The following SLC6A16 variants were observed in gnomAD, a reference collection of about 807,000 sequenced individuals.
SLC6A16 encodes orphan sodium- and chloride-dependent neurotransmitter transporter NTT5.
Under a neutral mutation model 65.4 loss-of-function variants are expected in SLC6A16, and 54 were observed. That is an observed-to-expected ratio of 0.83 (90% CI 0.66 to 1.04). The LOEUF (loss-of-function observed/expected upper bound fraction) is 1.04, where lower values mean the gene tolerates loss of function less well. SLC6A16 is among the 50% of genes least tolerant of loss of function. The pLI is 0.00. For missense variants in SLC6A16, 816 were observed against 914.0 expected (o/e 0.89, Z 1.38); for synonymous variants, 330 against 346.5 (o/e 0.95, Z 0.53).
intron 1 of SLC6A16, among the ~76,000 whole-genome samples, chr19:49,318,641 G>T (rs1970654362): frequency 6.6e-6 from 1 of 152,154 alleles, no homozygotes; most frequent in South Asian, 2.1e-4. Flanking sequence ...GCTTAATATG[G>T]TCAAGGACTT....
chr19:49,290,348 C>G lies in SLC6A16; in HGVS notation c.1986G>C (p.Leu662Phe), dbSNP rs758445668. 1 of 1,613,942 alleles carries G rather than the reference C, an allele frequency of 6.2e-7. No homozygotes were observed. Among genetic ancestry groups the G allele is most frequent in the South Asian group, 1.1e-5 (1 of 91,066 alleles). Reference protein sequence around the residue: ...LRPYPPWALLLMITLFAIVIL... With the variant: ...LRPYPPWALLFMITLFAIVIL... ...TGACAATGGCAAAAAGGGTGATCAT[C>G]AAGAGCAGTGCCCACGGTGGGTATG... Residue 662 changes from leucine (L) to phenylalanine (F), a missense_variant, in exon 12 of 12, where the codon TTG becomes TTC. Transcript: ENST00000335875.
intron 7 of SLC6A16, chr19:49,306,080 C>G (rs1012186524): frequency 6.6e-6 from 1 of 152,072 alleles, no homozygotes; most frequent in Non-Finnish European, 1.5e-5. Flanking sequence ...GGGCGGATCA[C>G]GAGGTCAGAA....
chr19:49,319,350 G>T (rs1385939847), intron 1 of SLC6A16, among the ~76,000 whole-genome samples: 1 of 151,282 alleles, frequency 6.6e-6, no homozygotes, highest in South Asian at 2.1e-4. Context: ...AGATGAACCT[G>T]CTGTATGTTG....
upstream of SLC6A16, among the ~76,000 whole-genome samples, chr19:49,327,805 C>T (rs1160377727): frequency 6.6e-6 from 1 of 152,128 alleles, no homozygotes; most frequent in Non-Finnish European, 1.5e-5. Context: ...TAGGGAAGAA[C>T]ATTCCAGGCA....
upstream of SLC6A16, chr19:49,325,239 C>T (rs1555778375): frequency 1.0e-6 from 1 of 985,070 alleles, no homozygotes; most frequent in South Asian, 4.7e-5. Context: ...TGCGCCGCCG[C>T]GCCCCCTCAC....
chr19:49,326,018 A>AC (rs1031716053), upstream of SLC6A16, among the ~76,000 whole-genome samples: 3 of 151,764 alleles, frequency 2.0e-5, no homozygotes, highest in African/African-American at 7.3e-5. Flanking sequence ...AAAAAAAAAA[A>AC]AATTAGCCGG....
intron 5 of SLC6A16, 99 bp from the exon 6 acceptor site, chr19:49,309,510 T>C (rs1290363197): frequency 1.6e-6 from 2 of 1,268,606 alleles, no homozygotes; most frequent in Non-Finnish European, 2.3e-6. Flanking sequence ...GAGTAGGAGT[T>C]AGAAGAAAGC....
At chr19:49,298,879 A>C (rs1445144739) in intron 7 of SLC6A16, among the ~76,000 whole-genome samples, 1 of 152,230 alleles carries the variant, frequency 6.6e-6, no homozygotes. Flanking sequence ...ACTGCCATGA[A>C]AAAGAACAAA....
chr19:49,327,891 A>G (rs918458148), upstream of SLC6A16, among the ~76,000 whole-genome samples: 10 of 152,242 alleles, frequency 6.6e-5, no homozygotes, highest in African/African-American at 2.4e-4. Context: ...AGAGTCTGAT[A>G]TGAATGGATC....
At chr19:49,319,849 A>G (rs1970680492) in intron 1 of SLC6A16, among the ~76,000 whole-genome samples, 1 of 152,202 alleles carries the variant, frequency 6.6e-6, no homozygotes, top group South Asian at 2.1e-4. Flanking sequence ...TAGAATTAGA[A>G]TGATAAATAT....
chr19:49,323,459 T>C (rs1483278524), intron 1 of SLC6A16, among the ~76,000 whole-genome samples: 3 of 152,140 alleles, frequency 2.0e-5, no homozygotes, highest in Admixed American at 1.3e-4. Context: ...GAAAATCATA[T>C]GTATAATAAG....
chr19:49,332,501 T>A, the SLC6A16 span, among the ~76,000 whole-genome samples: 1 of 151,196 alleles, frequency 6.6e-6, no homozygotes, highest in Non-Finnish European at 1.5e-5. Context: ...GAGGTTGCAG[T>A]GAGCCGAGAT....
At chr19:49,319,008 T>C (rs1970662683) in intron 1 of SLC6A16, among the ~76,000 whole-genome samples, 1 of 151,582 alleles carries the variant, frequency 6.6e-6, no homozygotes, top group African/African-American at 2.4e-5. Context: ...CCTCCATGCC[T>C]AGCCATGATA....
chr19:49,338,576 C>T, the SLC6A16 span: 1 of 721,564 alleles, frequency 1.4e-6, no homozygotes, highest in Non-Finnish European at 2.5e-6. The surrounding 1 kb of genome is among the most constrained non-coding windows in gnomAD (Gnocchi z 5.0). Flanking sequence ...CACTGTCCCC[C>T]ACTCCACACC....
the SLC6A16 span, chr19:49,338,732 C>A: frequency 6.2e-7 from 1 of 1,612,972 alleles, no homozygotes; most frequent in Non-Finnish European, 8.5e-7. This position sits in a 1 kb window ranked among gnomAD's most constrained non-coding sequence, Gnocchi z 5.0. Context: ...ACCCGCAGGA[C>A]TGGTTCCAAG....
intron 2 of SLC6A16, among the ~76,000 whole-genome samples, 185 bp from the exon 3 acceptor site, chr19:49,310,695 G>A (rs1970502748): frequency 6.6e-6 from 1 of 152,150 alleles, no homozygotes; most frequent in Admixed American, 6.5e-5. Flanking sequence ...AATCCTGGAA[G>A]ACCCAAGTAC....
At chr19:49,340,021 G>A in the SLC6A16 span, 1 of 1,473,880 alleles carries the variant, frequency 6.8e-7, no homozygotes. Context: ...GCTTGCTTCC[G>A]ACCTTACTCC....
intron 7 of SLC6A16, among the ~76,000 whole-genome samples, chr19:49,303,326 A>G (rs1236011722): frequency 6.6e-6 from 1 of 152,036 alleles, no homozygotes; most frequent in East Asian, 1.9e-4. Flanking sequence ...CAAAGTGCTG[A>G]AAAAAAATCT....
rs1261252311 is a variant in SLC6A16 at position 49,310,488 on chromosome 19, G to T, written c.438C>A (p.Ile146=). The change falls in exon 3 of 12, where the codon ATC becomes ATA. Residue 146 remains isoleucine, a synonymous_variant. Coordinates refer to ENST00000335875, the MANE Select transcript of SLC6A16 (RefSeq NM_014037.3). ...SGGCSFAAIY[I]FMLFLVGVPL... is the part of the protein sequence containing the mutation. Reference sequence around the variant, plus strand: ...GAACCCCGACCAGGAACAGCATGAAGATGTAGATGGCAGCGAAACTGCCTG... The same window carrying T: ...GAACCCCGACCAGGAACAGCATGAATATGTAGATGGCAGCGAAACTGCCTG... 2.5e-6 allele frequency: 4 copies of T among 1,614,026 alleles called. No individual in the cohort carries two copies. In the African/African-American group the frequency reaches 5.3e-5, roughly 22 times the overall value.
Sources: gnomAD v4.1 joint callset for allele counts (sites outside exome capture counted in the v4.1 genomes callset) on GRCh38, gnomAD v4.1.1 for gene constraint, Gnocchi (gnomAD v3.1) non-coding constraint, MANE v1.5 for transcripts, NCBI Gene and HGNC (gene_info 2026-07-23, HGNC 2026-07-21) for gene names.